HACD1: variants seen among roughly 807,000 people sequenced by gnomAD.
HACD1 encodes 3-hydroxyacyl-CoA dehydratase 1.
A neutral mutation model predicts 32.0 loss-of-function variants in HACD1; 41 were observed. The observed-to-expected ratio is 1.28, with a 90% CI of 1.00 to 1.66. HACD1 has a LOEUF of 1.66. Ranked by LOEUF, HACD1 falls within the 40% of genes most tolerant of loss-of-function variation. HACD1 has a pLI of 0.00. For missense variants in HACD1, 396 were observed against 380.1 expected, an observed-to-expected ratio of 1.04 and a Z score of -0.35; for synonymous variants, 142 against 139.0, an observed-to-expected ratio of 1.02 and a Z score of -0.15.
At position 17,594,370 on chromosome 10, in the gene HACD1, T is replaced by TA. The variant is rs1564504589; in HGVS notation, c.618dup (p.Ile207TyrfsTer11). The TA allele has an allele frequency of 4.1e-6, 6 of 1,465,662 alleles. No homozygotes were observed. The highest frequency in any genetic ancestry group is 5.4e-6 in the Non-Finnish European group (6 of 1,102,900). 90.8% of individuals were successfully genotyped at this position (1,465,662 alleles called of 1,614,324 possible). A position where few individuals can be genotyped will look rare whatever the true frequency, so the allele number is the denominator to read the frequency against. On this transcript the variant is annotated frameshift_variant, in exon 6 of 7. Coordinates refer to ENST00000361271, the MANE Select transcript of HACD1 (RefSeq NM_014241.4). LOFTEE classifies it high-confidence loss of function. Reference sequence around the variant, plus strand: ...GCAACTCCAACAGGATATAAGATGATAAAAAAATTATATCTGGAGAAAGAA... The same window carrying TA: ...GCAACTCCAACAGGATATAAGATGATAAAAAAAATTATATCTGGAGAAAGAA...
intron 4 of HACD1, among the ~76,000 whole-genome samples, chr10:17,602,443 C>A (rs1448382980): frequency 2.6e-5 from 4 of 152,092 alleles, no homozygotes; most frequent in African/African-American, 9.7e-5. Context: ...AGGTTTGAAT[C>A]ATTAATTAGA....
chr10:17,591,976 A>AATTTTTTTTT (rs1833933560), intron 6 of HACD1, among the ~76,000 whole-genome samples: 4 of 96,942 alleles, frequency 4.1e-5, no homozygotes, highest in African/African-American at 1.8e-4. Context: ...CCAGCTACTG[A>AATTTTTTTTT]TTTTTTTTTT....
At chr10:17,604,289 T>C (rs1341064053) in intron 1 of HACD1, among the ~76,000 whole-genome samples, 2 of 151,848 alleles carry the variant, frequency 1.3e-5, no homozygotes, top group Non-Finnish European at 2.9e-5. Flanking sequence ...ATCGAGACCA[T>C]CCTGGCTAAC....
chr10:17,592,902 A>T (rs1554815693), intron 6 of HACD1, among the ~76,000 whole-genome samples: 1 of 152,200 alleles, frequency 6.6e-6, no homozygotes, highest in Admixed American at 6.5e-5. Flanking sequence ...TTTGGGAAAG[A>T]TACAAGTTGG....
intron 5 of HACD1, among the ~76,000 whole-genome samples, chr10:17,597,848 T>A (rs996694761): frequency 6.6e-6 from 1 of 152,170 alleles, no homozygotes. Context: ...AGTACAACCT[T>A]CTTATGACAG....
chr10:17,598,749 T>A (rs782664850), intron 5 of HACD1, among the ~76,000 whole-genome samples: 1 of 152,186 alleles, frequency 6.6e-6, no homozygotes, highest in Admixed American at 6.5e-5. Flanking sequence ...TATCTTTTCC[T>A]TTAAAAACTG....
intron 6 of HACD1, among the ~76,000 whole-genome samples, chr10:17,591,976 ATTT>A (rs71393019): frequency 5.2e-5 from 5 of 96,938 alleles, no homozygotes; most frequent in African/African-American, 1.8e-4. Flanking sequence ...CCAGCTACTG[ATTT>A]TTTTTTTTTT....
chr10:17,608,020 T>A (rs74406568), intron 1 of HACD1, among the ~76,000 whole-genome samples: 3,148 of 150,192 alleles, frequency 0.021, 49 homozygotes, highest in Middle Eastern at 0.073. Flanking sequence ...CAATTAGGAT[T>A]TTTTTTTTTA....
chr10:17,616,981 C>T (rs1456877447), intron 1 of HACD1, 102 bp downstream of exon 1: 28 of 1,209,474 alleles, frequency 2.3e-5, no homozygotes, highest in South Asian at 2.9e-5. Context: ...CCGCTGCCCG[C>T]ACCCCCCGCG....
At chr10:17,599,760 A>G (rs1208298534) in intron 4 of HACD1, among the ~76,000 whole-genome samples, 19 of 152,276 alleles carry the variant, frequency 1.2e-4, no homozygotes, top group African/African-American at 4.6e-4. Context: ...TGTAGGACCA[A>G]CGCTTGAATT....
Position 17,594,257 on chromosome 10 carries a change from G to C in HACD1, c.732C>G (p.Val244=). 1 of 1,599,292 alleles carries C rather than the reference G, an allele frequency of 6.3e-7. No homozygotes were observed. Among genetic ancestry groups the C allele is most frequent in the Non-Finnish European group, 8.5e-7 (1 of 1,172,452 alleles). The part of the protein sequence containing the change: ...FSIRLPNKYN[V]SFDYYYFLLI... ...GAAGAAAATAATAGTAGTCAAAAGA[G>C]ACATTGTATTTGTTAGGAAGTCTTA... Residue 244 remains valine, a synonymous_variant, in exon 6 of 7, where the codon GTC becomes GTG. Transcript: ENST00000361271.
At chr10:17,609,155 G>GTTTTTTTTTTTTTTTTTTTTTT (rs56347429) in intron 1 of HACD1, among the ~76,000 whole-genome samples, 11 of 132,124 alleles carry the variant, frequency 8.3e-5, no homozygotes, top group African/African-American at 2.6e-4. Context: ...TGTGCAAAAG[G>GTTTTTTTTTTTTTTTTTTTTTT]TTTTTTTTTT....
At chr10:17,613,233 G>C (rs566557618) in intron 1 of HACD1, among the ~76,000 whole-genome samples, 1 of 151,646 alleles carries the variant, frequency 6.6e-6, no homozygotes, top group African/African-American at 2.4e-5. Flanking sequence ...TCAGTCTCCT[G>C]AGTAGCTGGG....
intron 1 of HACD1, among the ~76,000 whole-genome samples, chr10:17,611,828 G>A (rs1213475102): frequency 5.9e-5 from 9 of 152,190 alleles, no homozygotes; most frequent in East Asian, 3.9e-4. Context: ...TTAGCCAGGC[G>A]TGGTGGGGGG....
Position 17,617,144 on chromosome 10 carries a change from T to G in HACD1, c.196A>C (p.Arg66=). ...GEDREAPGER[R]RLGVLATAWL... ...GCGGTGGCCAAGACCCCCAGGCGCC[T>G]CCGCTCGCCGGGAGCCTCCCGGTCC... Residue 66 remains arginine (R), a synonymous_variant, in exon 1 of 7, where the codon AGG becomes CGG. Coordinates refer to ENST00000361271, the MANE Select transcript of HACD1 (RefSeq NM_014241.4). 1 of 1,507,238 alleles carries G rather than the reference T, an allele frequency of 6.6e-7. No homozygotes were observed. Among genetic ancestry groups the G allele is most frequent in the East Asian group, 2.8e-5 (1 of 35,956 alleles). The allele number at this position is 1,507,238 out of a possible 1,614,324, so 93.4% of individuals were successfully genotyped here.
In HACD1 at chr10:17,608,308, G is replaced by T. The variant is rs151000616; in HGVS notation, c.258-4261C>A. 1.9e-3 allele frequency among the ~76,000 whole-genome samples: 283 copies of T among 152,176 alleles called. 1 individual carries two copies. The highest frequency in any genetic ancestry group is 3.1e-3 in the Non-Finnish European group (213 of 68,016). On this transcript the variant is annotated intron_variant, in intron 1 of 6. Transcript: ENST00000361271. ...CTCCCAAAGTAATGGGATTACCGGT[G>T]TGAGCCACTGCGCCTGGCCAGACTC...
intron 1 of HACD1, among the ~76,000 whole-genome samples, chr10:17,608,229 T>C (rs2131517564): frequency 6.6e-6 from 1 of 152,154 alleles, no homozygotes; most frequent in Non-Finnish European, 1.5e-5. Flanking sequence ...GGTCTCCCTA[T>C]GTTGCCCAGG....
chr10:17,614,876 C>T (rs1354173960), intron 1 of HACD1, among the ~76,000 whole-genome samples: 2 of 151,872 alleles, frequency 1.3e-5, no homozygotes, highest in Non-Finnish European at 2.9e-5. Flanking sequence ...CCTCAGCCTC[C>T]GGAGTAGCTG....
chr10:17,608,062 G>A (rs1350627818), intron 1 of HACD1, among the ~76,000 whole-genome samples: 1 of 152,092 alleles, frequency 6.6e-6, no homozygotes, highest in Non-Finnish European at 1.5e-5. Flanking sequence ...GCAGGCTGGA[G>A]TGAGTGGTGT....
Sources: gnomAD v4.1 joint callset for allele counts (sites outside exome capture counted in the v4.1 genomes callset) on GRCh38, gnomAD v4.1.1 for gene constraint, MANE v1.5 for transcripts, NCBI Gene and HGNC (gene_info 2026-07-23, HGNC 2026-07-21) for gene names.